ACACB: variants seen among roughly 807,000 people sequenced by gnomAD.
The protein encoded by ACACB is acetyl-CoA carboxylase beta.
Under a neutral mutation model 278.8 loss-of-function variants are expected in ACACB, and 209 were observed. The observed-to-expected ratio is 0.75, with a 90% CI of 0.67 to 0.84. The LOEUF is 0.84. Among genes scored for constraint, ACACB ranks in the 40% least tolerant of loss-of-function variants. The pLI is 0.00. For missense variants in ACACB, 2,850 were observed against 3,269.0 expected, an observed-to-expected ratio of 0.87 and a Z score of 3.13; for synonymous variants, 1,174 against 1,285.6, an observed-to-expected ratio of 0.91 and a Z score of 1.86.
At position 109,140,347 on chromosome 12, in the gene ACACB, C is replaced by CTTCCTTCT. The variant is rs1565857831; in HGVS notation, c.653+293_653+294insTTCTTTCC. On this transcript the variant is annotated intron_variant, in intron 2 of 52. Transcript: ENST00000338432. The stretch of plus-strand genomic sequence containing the variant: ...CCTTCCTTCCTTCCTTCCTTCCTTC[C>CTTCCTTCT]TTCCCTCCTTTCAAAATCATTCCTT... Among the ~76,000 whole-genome samples, 142 of 80,478 alleles carry CTTCCTTCT rather than the reference C, an allele frequency of 1.8e-3. 17 individuals are homozygous for CTTCCTTCT. Among genetic ancestry groups the CTTCCTTCT allele is most frequent in the African/African-American group, 6.2e-3 (133 of 21,470 alleles). 52.8% of individuals were successfully genotyped at this position (80,478 alleles called of 152,430 possible).
chr12:109,238,345 T>C (rs1195599636), intron 34 of ACACB, among the ~76,000 whole-genome samples: 6 of 145,072 alleles, frequency 4.1e-5, no homozygotes, highest in Admixed American at 3.5e-4. Flanking sequence ...GTGTATAATT[T>C]TTTTTTTTTT....
chr12:109,132,574 A>C (rs553691364), intron 1 of ACACB, among the ~76,000 whole-genome samples: 36 of 152,268 alleles, frequency 2.4e-4, no homozygotes, highest in Middle Eastern at 3.4e-3. Flanking sequence ...ATAGGTACAG[A>C]TGTTATGCAG....
At chr12:109,253,304 C>T in intron 43 of ACACB, 146 bp downstream of exon 43, 8 of 875,542 alleles carry the variant, frequency 9.1e-6, no homozygotes, top group Non-Finnish European at 1.3e-5. Flanking sequence ...TTTCTTACTC[C>T]TTCTTCCTTC....
At chr12:109,127,553 C>T (rs541472463) in intron 1 of ACACB, among the ~76,000 whole-genome samples, 1 of 151,694 alleles carries the variant, frequency 6.6e-6, no homozygotes, top group Non-Finnish European at 1.5e-5. Context: ...GAGCCAAGAT[C>T]ATGCCACTGC....
chr12:109,128,620 T>G (rs2042743004), intron 1 of ACACB, among the ~76,000 whole-genome samples: 1 of 152,192 alleles, frequency 6.6e-6, no homozygotes, highest in Non-Finnish European at 1.5e-5. Flanking sequence ...ATTACGGGCG[T>G]GAGCCACTGC....
chr12:109,191,733 G>T lies in ACACB; in HGVS notation c.2265G>T (p.Trp755Cys), dbSNP rs1386512707. 1.2e-5 allele frequency: 19 copies of T among 1,614,182 alleles called. No homozygotes were observed. Among genetic ancestry groups the T allele is most frequent in the Non-Finnish European group, 1.6e-5 (19 of 1,180,040 alleles). The change falls in exon 14 of 53, where the codon TGG becomes TGT. Residue 755 changes from tryptophan to cysteine, a missense_variant. Physicochemically the swap from Trp to Cys is radical, Grantham distance 215 (BLOSUM62 -2). Transcript: ENST00000338432. ...SFQNNDIDTG[W>C]LDYLIAEKVQ... ...AGAACAACGACATCGACACCGGGTG[G>T]TTGGACTACCTCATTGCTGAGAAAG...
At chr12:109,191,808 C>G in intron 14 of ACACB, 39 bp from the exon 15 acceptor site, 1 of 1,614,104 alleles carries the variant, frequency 6.2e-7, no homozygotes, top group Non-Finnish European at 8.5e-7. Flanking sequence ...TGGCCGAGAC[C>G]TCGGCTTCCT....
intron 28 of ACACB, among the ~76,000 whole-genome samples, chr12:109,231,238 C>A (rs2046460855): frequency 6.6e-6 from 1 of 152,184 alleles, no homozygotes. Flanking sequence ...GGCTGCTGTC[C>A]TAGCTCTGCC....
At chr12:109,212,974 C>T (rs1032554707) in intron 22 of ACACB, 38 bp downstream of exon 22, 2 of 1,578,016 alleles carry the variant, frequency 1.3e-6, no homozygotes, top group African/African-American at 1.3e-5. Flanking sequence ...TGGTTGTCAC[C>T]TGAATCGTCG....
At chr12:109,260,057 T>A in intron 47 of ACACB, 1 of 1,355,234 alleles carries the variant, frequency 7.4e-7, no homozygotes, top group Non-Finnish European at 9.8e-7. Flanking sequence ...ATTCTTGTTT[T>A]CATGTAGGGT....
At chr12:109,245,189 G>T (rs1322875425) in intron 37 of ACACB, among the ~76,000 whole-genome samples, 1 of 151,974 alleles carries the variant, frequency 6.6e-6, no homozygotes, top group African/African-American at 2.4e-5. Flanking sequence ...AATAGAAAAA[G>T]TAATTTGCGG....
intron 2 of ACACB, among the ~76,000 whole-genome samples, chr12:109,160,626 CT>C (rs2043693426): frequency 6.6e-6 from 1 of 152,230 alleles, no homozygotes; most frequent in Non-Finnish European, 1.5e-5. Context: ...GGGCTTCTCA[CT>C]GGACAATGGC....
intron 11 of ACACB, among the ~76,000 whole-genome samples, chr12:109,181,536 A>G (rs952639261): frequency 2.0e-5 from 3 of 151,868 alleles, no homozygotes; most frequent in Admixed American, 6.6e-5. Flanking sequence ...CCTGTACCAC[A>G]TTTTCTTTAT....
intron 44 of ACACB, among the ~76,000 whole-genome samples, chr12:109,254,709 T>A (rs2047179984): frequency 6.6e-6 from 1 of 151,782 alleles, no homozygotes; most frequent in African/African-American, 2.4e-5. Flanking sequence ...GAAGACTGCA[T>A]CTTTCTCTTT....
At chr12:109,220,305 T>C (rs551955913) in intron 24 of ACACB, among the ~76,000 whole-genome samples, 1 of 152,368 alleles carries the variant, frequency 6.6e-6, no homozygotes. Context: ...GTGAGTTCTC[T>C]GCACCTGATG....
In ACACB at chr12:109,246,314, G is replaced by A; in HGVS notation, c.5437G>A (p.Ala1813Thr). The change falls in exon 39 of 53, where the codon GCA becomes ACA. Residue 1813 changes from alanine (A) to threonine (T), a missense_variant. Coordinates refer to ENST00000338432, the MANE Select transcript of ACACB (RefSeq NM_001093.4). The part of the protein sequence containing the change: ...GPGEDLLYLR[A>T]SEMARAEGIP... Reference sequence around the variant, plus strand: ...TGGAGAGGACCTTCTGTACCTGCGGGCATCCGAGATGGCCCGGGCAGAGGG... The same window carrying A: ...TGGAGAGGACCTTCTGTACCTGCGGACATCCGAGATGGCCCGGGCAGAGGG... The A allele has an allele frequency of 6.2e-7, 1 of 1,612,684 alleles. No homozygotes were observed. Among genetic ancestry groups the A allele is most frequent in the Non-Finnish European group, 8.5e-7 (1 of 1,179,760 alleles).
intron 2 of ACACB, among the ~76,000 whole-genome samples, chr12:109,147,954 G>C (rs2043283689): frequency 6.6e-6 from 1 of 152,138 alleles, no homozygotes; most frequent in African/African-American, 2.4e-5. Flanking sequence ...TGTGACTTTG[G>C]AGACTAGTTC....
chr12:109,129,108 T>A (rs202041481), intron 1 of ACACB, among the ~76,000 whole-genome samples: 10 of 95,396 alleles, frequency 1.0e-4, no homozygotes, highest in South Asian at 3.7e-4. Context: ...TCGAAAAAAA[T>A]AAATAAATAA....
At chr12:109,265,049 C>T in intron 50 of ACACB, 61 bp from the exon 51 acceptor site, 1 of 1,547,450 alleles carries the variant, frequency 6.5e-7, no homozygotes, top group South Asian at 1.2e-5. Context: ...TGGGTGTGGT[C>T]AGAGCCAGTG....
Sources: allele counts gnomAD v4.1 joint callset (sites outside exome capture counted in the v4.1 genomes callset), GRCh38; gene constraint gnomAD v4.1.1; transcripts MANE v1.5; gene names NCBI Gene and HGNC (gene_info 2026-07-23, HGNC 2026-07-21).